GLIS3: variants seen among roughly 807,000 people sequenced by gnomAD.
GLIS3 encodes the protein GLIS family zinc finger 3.
A neutral mutation model predicts 78.6 loss-of-function variants in GLIS3; 53 were observed. The observed-to-expected ratio is 0.67, with a 90% CI of 0.54 to 0.85. GLIS3 has a LOEUF of 0.85. Among genes scored for constraint, GLIS3 ranks in the 40% least tolerant of loss-of-function variants. The pLI is 0.00. For missense variants in GLIS3, 1,703 were observed against 1,231.1 expected (o/e 1.38, Z -5.74); for synonymous variants, 684 against 509.9 (o/e 1.34, Z -4.60).
intron 2 of GLIS3, among the ~76,000 whole-genome samples, chr9:4,153,978 T>C (rs1480617870): frequency 2.0e-5 from 3 of 152,204 alleles, no homozygotes; most frequent in Non-Finnish European, 2.9e-5. Context: ...GTGGGCTGGA[T>C]GGACATCTAA....
At chr9:4,355,079 C>T in the GLIS3 span, among the ~76,000 whole-genome samples, 3 of 148,994 alleles carry the variant, frequency 2.0e-5, no homozygotes, top group South Asian at 2.1e-4. Flanking sequence ...TGCAGTGAGC[C>T]GAGATCACAC....
intron 1 of GLIS3, among the ~76,000 whole-genome samples, chr9:4,289,503 G>T (rs552506668): frequency 6.6e-6 from 1 of 152,226 alleles, no homozygotes; most frequent in East Asian, 1.9e-4. Flanking sequence ...TTTACACTTT[G>T]CCAAAAAGGT....
intron 2 of GLIS3, 90 bp downstream of exon 2, chr9:4,285,948 T>C (rs769716730): frequency 1.2e-4 from 178 of 1,453,980 alleles, no homozygotes; most frequent in Non-Finnish European, 1.6e-4. Flanking sequence ...CTGAATCATG[T>C]ATTTTTCCAT....
upstream of GLIS3, among the ~76,000 whole-genome samples, chr9:4,352,806 G>C (rs934721818): frequency 3.9e-5 from 6 of 152,172 alleles, no homozygotes; most frequent in African/African-American, 7.2e-5. Flanking sequence ...AAACTTTCTT[G>C]GATGTTGGCC....
intron 2 of GLIS3, among the ~76,000 whole-genome samples, chr9:4,201,759 T>C (rs144340880): frequency 3.9e-5 from 6 of 152,364 alleles, no homozygotes; most frequent in Non-Finnish European, 8.8e-5. Context: ...ACGACCATAC[T>C]GGCCAAAGCA....
chr9:3,950,774 A>G (rs942381913), intron 4 of GLIS3, among the ~76,000 whole-genome samples: 13 of 152,240 alleles, frequency 8.5e-5, no homozygotes, highest in Non-Finnish European at 1.6e-4. Context: ...GTAAGCACCC[A>G]ATGCAGATGT....
chr9:4,056,172 G>A (rs565439851), intron 4 of GLIS3, among the ~76,000 whole-genome samples: 1 of 152,328 alleles, frequency 6.6e-6, no homozygotes, highest in South Asian at 2.1e-4. Context: ...AATGGGGTTT[G>A]CAATAGCAGG....
Position 4,271,082 on chromosome 9 carries a change from G to C in GLIS3, c.388+14956C>G, listed in dbSNP as rs578167671. Among the ~76,000 whole-genome samples the C allele has an allele frequency of 2.0e-5, 3 of 152,054 alleles. No homozygotes were observed. The South Asian group carries it at 6.2e-4, about 32-fold the overall frequency. On this transcript the variant is annotated intron_variant, in intron 2 of 10. Transcript: ENST00000381971. ...AGCCTACTCAATGTGAAGACAATGA[G>C]AATGAAGAATTTTATGATGATCCAC...
intron 9 of GLIS3, among the ~76,000 whole-genome samples, chr9:3,831,968 C>A (rs1206847644): frequency 6.6e-6 from 1 of 150,532 alleles, no homozygotes; most frequent in African/African-American, 2.4e-5. Flanking sequence ...TTTTTTTTTG[C>A]CTGTATATTT....
intron 8 of GLIS3, chr9:3,878,868 C>T (rs1821510968): frequency 1.3e-5 from 2 of 159,942 alleles, no homozygotes; most frequent in South Asian, 3.4e-4. Context: ...CACAGAAGCA[C>T]ACGAGATTGG....
At chr9:3,898,948 C>T (rs1362341197) in intron 6 of GLIS3, 113 bp from the exon 7 acceptor site, 3 of 1,348,434 alleles carry the variant, frequency 2.2e-6, no homozygotes, top group Non-Finnish European at 3.1e-6. Context: ...ATTTATCAAG[C>T]AGCAACTACG....
chr9:3,918,451 C>G (rs1824662210), intron 6 of GLIS3, among the ~76,000 whole-genome samples: 1 of 152,208 alleles, frequency 6.6e-6, no homozygotes, highest in East Asian at 1.9e-4. Flanking sequence ...ATTCAAGTTC[C>G]CTAAGCTCAG....
chr9:4,130,202 T>C (rs1254870905), intron 2 of GLIS3, among the ~76,000 whole-genome samples: 1 of 152,172 alleles, frequency 6.6e-6, no homozygotes, highest in Non-Finnish European at 1.5e-5. Context: ...AAGTTATATT[T>C]AAAAGGGAAG....
At chr9:4,031,321 G>T (rs972071923) in intron 4 of GLIS3, among the ~76,000 whole-genome samples, 1 of 152,124 alleles carries the variant, frequency 6.6e-6, no homozygotes, top group East Asian at 1.9e-4. Flanking sequence ...AATGAATGAG[G>T]CACTGATACA....
At chr9:3,937,323 T>A in intron 4 of GLIS3, 134 bp from the exon 5 acceptor site, 1 of 846,524 alleles carries the variant, frequency 1.2e-6, no homozygotes, top group East Asian at 2.7e-5. Context: ...CAAACAGTAA[T>A]AAATATTGCT....
the GLIS3 span, among the ~76,000 whole-genome samples, chr9:4,437,745 C>G: frequency 6.6e-6 from 1 of 152,146 alleles, no homozygotes; most frequent in African/African-American, 2.4e-5. Context: ...CCAAACCCAC[C>G]TCTTCCTCCT....
intron 2 of GLIS3, among the ~76,000 whole-genome samples, chr9:4,141,410 C>A (rs948009874): frequency 2.0e-5 from 3 of 152,202 alleles, no homozygotes; most frequent in Admixed American, 2.0e-4. Context: ...ATGCACAGAG[C>A]AGCAGACTCC....
chr9:3,832,400 G>A (rs10758483), intron 9 of GLIS3, among the ~76,000 whole-genome samples: 2 of 151,918 alleles, frequency 1.3e-5, no homozygotes, highest in Admixed American at 6.6e-5. Context: ...TGGCATACCC[G>A]CTGTTCCTAG....
At chr9:4,363,343 A>T in the GLIS3 span, among the ~76,000 whole-genome samples, 3 of 152,182 alleles carry the variant, frequency 2.0e-5, no homozygotes, top group African/African-American at 7.2e-5. Flanking sequence ...GAATTGCTTG[A>T]ATCCCTGAGG....
Sources: allele counts gnomAD v4.1 joint callset (sites outside exome capture counted in the v4.1 genomes callset), GRCh38; gene constraint gnomAD v4.1.1; transcripts MANE v1.5; gene names NCBI Gene and HGNC (gene_info 2026-07-23, HGNC 2026-07-21).